FAH: variants seen among roughly 807,000 people sequenced by gnomAD.
The protein encoded by FAH is fumarylacetoacetase.
In FAH, 47 loss-of-function variants were observed where a neutral mutation model predicts 55.8. The observed-to-expected ratio is 0.84, with a 90% CI of 0.67 to 1.07. The LOEUF (loss-of-function observed/expected upper bound fraction) is 1.07. Among genes scored for constraint, FAH ranks in the 50% least tolerant of loss-of-function variants. The pLI is 0.00. For missense variants in FAH, 495 were observed against 545.9 expected (o/e 0.91, Z 0.93); for synonymous variants, 199 against 207.7 (o/e 0.96, Z 0.36).
In FAH at chr15:80,186,282, G is replaced by A; in HGVS notation, c.*73G>A. 1 of 1,252,736 alleles carries A rather than the reference G, an allele frequency of 8.0e-7. No individual in the cohort carries two copies. Among genetic ancestry groups the A allele is most frequent in the Non-Finnish European group, 1.2e-6 (1 of 850,834 alleles). 77.6% of individuals were successfully genotyped at this position (1,252,736 alleles called of 1,614,324 possible). ...ACCCTGTGACTGGGGTCCTCCCTCG[G>A]GCTGTAGGCCTGGTCCGCCATTCAG... On this transcript the variant is annotated 3_prime_UTR_variant, in exon 14 of 14. Transcript: ENST00000561421.
Position 80,175,028 on chromosome 15 carries a change from C to T in FAH, c.850C>T (p.Leu284=). 6.2e-7 allele frequency: 1 copy of T among 1,609,922 alleles called. No homozygotes were observed. Among genetic ancestry groups the T allele is most frequent in the Non-Finnish European group, 8.5e-7 (1 of 1,178,300 alleles). ...TTTGCCCTCTCAGGACCCCAGGCCCCTGCCGTATCTGTGCCATGACGAGCC... is the reference window on the plus strand; with the variant it reads ...TTTGCCCTCTCAGGACCCCAGGCCCTTGCCGTATCTGTGCCATGACGAGCC... ...VPNPKQDPRP[L]PYLCHDEPYT... is the part of the protein sequence containing the mutation. Residue 284 remains leucine, a synonymous_variant, in exon 10 of 14, where the codon CTG becomes TTG. Coordinates refer to ENST00000561421, the MANE Select transcript of FAH (RefSeq NM_000137.4).
chr15:80,184,583 T>C (rs1344671084), intron 13 of FAH, among the ~76,000 whole-genome samples: 1 of 152,192 alleles, frequency 6.6e-6, no homozygotes, highest in Non-Finnish European at 1.5e-5. Context: ...GCTTTTTTTT[T>C]CACCCCAGTG....
At chr15:80,157,913 C>T in intron 1 of FAH, 147 bp from the exon 2 acceptor site, 1 of 699,592 alleles carries the variant, frequency 1.4e-6, no homozygotes, top group Non-Finnish European at 2.6e-6. Context: ...GGGCAGGATG[C>T]TGAGAACATG....
chr15:80,174,126 C>G (rs2041263435), intron 9 of FAH, among the ~76,000 whole-genome samples: 1 of 152,178 alleles, frequency 6.6e-6, no homozygotes, highest in Non-Finnish European at 1.5e-5. Context: ...TACCACAGCA[C>G]CCCCTGCCCA....
At chr15:80,167,189 A>G (rs2041199164) in intron 5 of FAH, 1 of 152,154 alleles carries the variant, frequency 6.6e-6, no homozygotes, top group East Asian at 1.9e-4. Context: ...AGAAAAAGCC[A>G]CAACAACAGG....
At chr15:80,160,363 C>T (rs530038877) in intron 3 of FAH, 47 bp from the exon 4 acceptor site, 35 of 1,600,678 alleles carry the variant, frequency 2.2e-5, no homozygotes, top group Middle Eastern at 1.7e-4. Flanking sequence ...GGTGGGACCG[C>T]GCTTTGCTGC....
At position 80,180,268 on chromosome 15, in the gene FAH, C is replaced by A. The variant is rs779974856; in HGVS notation, c.1062+43C>A. 2.0e-6 allele frequency: 3 copies of A among 1,505,382 alleles called. No homozygotes were observed. The East Asian group carries it at 6.8e-5, about 34-fold the overall frequency. The allele number at this position is 1,505,382 out of a possible 1,614,324, so 93.3% of individuals were successfully genotyped here. On this transcript the variant is annotated intron_variant, in intron 12 of 13. Coordinates refer to ENST00000561421, the MANE Select transcript of FAH (RefSeq NM_000137.4). ...CTGAGGGCTGCCCACGCAGAGCATC[C>A]CTGCTCCCCACACAGCCCCAAGGGC...
At position 80,180,230 on chromosome 15, in the gene FAH, G is replaced by A. The variant is rs80338901; in HGVS notation, c.1062+5G>A. 609 of 1,602,704 alleles carry A rather than the reference G, an allele frequency of 3.8e-4. No homozygotes were observed. The highest frequency in any genetic ancestry group is 4.6e-4 in the Non-Finnish European group (547 of 1,178,484). Reference sequence around the variant, plus strand: ...TCTGGGACCATCAGCGGGCCGGTGAGTATCTGGCTGCACTGAGGGCTGCCC... The same window carrying A: ...TCTGGGACCATCAGCGGGCCGGTGAATATCTGGCTGCACTGAGGGCTGCCC... On this transcript the variant is annotated splice_donor_5th_base_variant and intron_variant, in intron 12 of 13. Transcript: ENST00000561421.
At chr15:80,168,792 G>A (rs1384891046) in intron 7 of FAH, among the ~76,000 whole-genome samples, 4 of 152,118 alleles carry the variant, frequency 2.6e-5, no homozygotes, top group Non-Finnish European at 4.4e-5. Flanking sequence ...CTAAAGTGCC[G>A]TCTAGTGTCC....
At position 80,159,926 on chromosome 15, in the gene FAH, G is replaced by C. The variant is rs1370273; in HGVS notation, c.314+49G>C. 11 of 1,599,810 alleles carry C rather than the reference G, an allele frequency of 6.9e-6. No individual in the cohort carries two copies. In the East Asian group the frequency reaches 2.5e-4, roughly 36 times the overall value. On this transcript the variant is annotated intron_variant, in intron 3 of 13. Coordinates refer to ENST00000561421, the MANE Select transcript of FAH (RefSeq NM_000137.4). ...GGGATGAGGGGATGCAGCAGGGGAG[G>C]TGAAGGCTGTGTGGTTATCAGTGCC...
chr15:80,168,498 T>A (rs1376217457), intron 7 of FAH, 182 bp downstream of exon 7: 12 of 642,822 alleles, frequency 1.9e-5, no homozygotes, highest in Non-Finnish European at 3.3e-5. Flanking sequence ...GCAGATTCTG[T>A]ATTTGAGAAT....
At chr15:80,153,210 G>GTGGAC in intron 1 of FAH, 75 bp downstream of exon 1, 1 of 782,526 alleles carries the variant, frequency 1.3e-6, no homozygotes, top group African/African-American at 1.7e-5. Flanking sequence ...GTGGAGTGGA[G>GTGGAC]TGGAATGGAG....
Position 80,180,145 on chromosome 15 carries a change from C to T in FAH, c.982C>T (p.Gln328Ter), listed in dbSNP as rs765134063. Residue 328 changes from glutamine to a stop codon, truncating the protein, a stop_gained, in exon 12 of 14, where the codon CAG becomes TAG. Coordinates refer to ENST00000561421, the MANE Select transcript of FAH (RefSeq NM_000137.4). LOFTEE classifies it high-confidence loss of function. The part of the protein sequence containing the change: ...NFKYMYWTML[Q>*]QLTHHSVNGC... ...GCAGTACATGTACTGGACGATGCTG[C>T]AGCAGCTCACTCACCACTCTGTCAA... The T allele has an allele frequency of 1.9e-6, 3 of 1,610,860 alleles. No individual in the cohort carries two copies. Among genetic ancestry groups the T allele is most frequent in the African/African-American group, 1.3e-5 (1 of 75,016 alleles).
chr15:80,156,412 C>T (rs116951589), intron 1 of FAH: 1 of 152,476 alleles, frequency 6.6e-6, no homozygotes, highest in East Asian at 1.9e-4. Flanking sequence ...AGCAGTATAG[C>T]TACAGTTTAT....
Position 80,159,260 on chromosome 15 carries a change from G to T in FAH, c.193-496G>T, listed in dbSNP as rs193031192. Among the ~76,000 whole-genome samples, 126 of 150,936 alleles carry T rather than the reference G, an allele frequency of 8.3e-4. 1 individual carries two copies. The highest frequency in any genetic ancestry group is 3.0e-3 in the African/African-American group (125 of 41,102). On this transcript the variant is annotated intron_variant, in intron 2 of 13. Coordinates refer to ENST00000561421, the MANE Select transcript of FAH (RefSeq NM_000137.4). The stretch of plus-strand genomic sequence containing the variant: ...AAAACAACTTTTTTTTTTTAATAGA[G>T]ATGAAGTCTCACTATATTGCCCAGG...
At chr15:80,178,104 G>A (rs1340620384) in intron 11 of FAH, among the ~76,000 whole-genome samples, 1 of 152,154 alleles carries the variant, frequency 6.6e-6, no homozygotes, top group African/African-American at 2.4e-5. Flanking sequence ...GGAGGCTAAG[G>A]CAGGAGGATC....
chr15:80,166,178 G>A (rs545148092), intron 5 of FAH: 1 of 152,012 alleles, frequency 6.6e-6, no homozygotes, highest in East Asian at 1.9e-4. Flanking sequence ...AGGCTGGAGT[G>A]CAGTGGCATG....
Position 80,181,163 on chromosome 15 carries a change from A to G in FAH, c.1180+4A>G, listed in dbSNP as rs60585303. 8.3e-3 allele frequency: 13,322 copies of G among 1,597,466 alleles called. 921 individuals are homozygous for G. The African/African-American group carries it at 0.15, about 18-fold the overall frequency. ...GGGGATGAAGTCATCATAACAGGTG[A>G]GGGCTGCCAAACCCAGCAGCTCGTC... On this transcript the variant is annotated splice_donor_region_variant and intron_variant, in intron 13 of 13. Transcript: ENST00000561421.
chr15:80,180,768 G>C lies in FAH; in HGVS notation c.1063-274G>C, dbSNP rs116993568. On this transcript the variant is annotated intron_variant, in intron 12 of 13. Transcript: ENST00000561421. ...GCCTCCAGAGCAGGGAGGGGATGCTGCAGGGGGCACTGGGCACTCTGGTCA... is the reference window on the plus strand; with the variant it reads ...GCCTCCAGAGCAGGGAGGGGATGCTCCAGGGGGCACTGGGCACTCTGGTCA... Among the ~76,000 whole-genome samples, 2,559 of 152,310 alleles carry C rather than the reference G, an allele frequency of 0.017. 39 individuals are homozygous for C. The highest frequency in any genetic ancestry group is 0.027 in the Middle Eastern group (8 of 294).
Sources: allele counts gnomAD v4.1 joint callset (sites outside exome capture counted in the v4.1 genomes callset), GRCh38; gene constraint gnomAD v4.1.1; transcripts MANE v1.5; gene names NCBI Gene and HGNC (gene_info 2026-07-23, HGNC 2026-07-21).